FAM20A: variants seen among roughly 807,000 people sequenced by gnomAD.
FAM20A encodes the protein FAM20A golgi associated secretory pathway pseudokinase, also known as pseudokinase FAM20A.
Under a neutral mutation model 52.0 loss-of-function variants are expected in FAM20A, and 42 were observed. The ratio of observed to expected loss-of-function variants is 0.81; its 90% CI spans 0.63 to 1.04. The LOEUF is 1.04. FAM20A is among the 50% of genes least tolerant of loss of function. The pLI, the probability that FAM20A is intolerant of heterozygous loss-of-function variation, is 0.00. For missense variants in FAM20A, 742 were observed against 712.7 expected, an observed-to-expected ratio of 1.04 and a Z score of -0.47; for synonymous variants, 304 against 298.9, an observed-to-expected ratio of 1.02 and a Z score of -0.18.
In FAM20A at chr17:68,580,807, C is replaced by A. The variant is rs565562648; in HGVS notation, c.404+19456G>T. On this transcript the variant is annotated intron_variant, in intron 1 of 10. Coordinates refer to ENST00000592554, the MANE Select transcript of FAM20A (RefSeq NM_017565.4). ...TTTTAAGCACTTTGCTCTTTTAACT[C>A]ATTTCACCCCCACAGAAACTCCTCA... is the stretch of plus-strand genomic sequence containing the variant. 2.0e-5 allele frequency among the ~76,000 whole-genome samples: 3 copies of A among 152,280 alleles called. No individual in the cohort carries two copies. In the South Asian group the frequency reaches 6.2e-4, roughly 32 times the overall value.
chr17:68,585,097 A>G (rs1264338530), intron 1 of FAM20A, among the ~76,000 whole-genome samples: 1 of 152,118 alleles, frequency 6.6e-6, no homozygotes, highest in Non-Finnish European at 1.5e-5. Flanking sequence ...GGTATTGATT[A>G]CCCGCTGGCT....
chr17:68,573,520 TTTCCTTCC>T (rs756836763), intron 1 of FAM20A, among the ~76,000 whole-genome samples: 3 of 150,896 alleles, frequency 2.0e-5, no homozygotes, highest in African/African-American at 7.3e-5. Context: ...CTTTTCCTTC[TTTCCTTCC>T]TTCCTTCCTT....
Position 68,539,906 on chromosome 17 carries a change from A to C in FAM20A, c.1280T>G (p.Ile427Ser). 6.2e-7 allele frequency: 1 copy of C among 1,614,206 alleles called. No individual in the cohort carries two copies. The highest frequency in any genetic ancestry group is 8.5e-7 in the Non-Finnish European group (1 of 1,180,042). ...FTKFGDDGFL[I>S]HLDNARGFGR... The stretch of plus-strand genomic sequence containing the variant: ...TCACCCTCTGGCGTTGTCAAGGTGA[A>C]TAAGGAACCCATCATCCCCGAACTT... The change falls in exon 9 of 11, where the codon ATT becomes AGT. Residue 427 changes from isoleucine to serine, a missense_variant. Ile to Ser is a moderately radical substitution (Grantham distance 142). Transcript: ENST00000592554.
At chr17:68,554,943 T>C (rs970399977) in intron 2 of FAM20A, 116 bp from the exon 3 acceptor site, 3 of 1,089,712 alleles carry the variant, frequency 2.8e-6, no homozygotes, top group Non-Finnish European at 4.2e-6. Flanking sequence ...TGATGTAGCC[T>C]GGGGCCCTTG....
In FAM20A at chr17:68,600,434, G is replaced by C. The variant is rs753309855; in HGVS notation, c.233C>G (p.Thr78Ser). 3 of 1,611,482 alleles carry C rather than the reference G, an allele frequency of 1.9e-6. No homozygotes were observed. The highest frequency in any genetic ancestry group is 2.5e-6 in the Non-Finnish European group (3 of 1,179,088). ...VHNFSRTEPR[T>S]EPAGGSHSGS... ...GCTGTGGCTGCCGCCAGCCGGTTCA[G>C]TCCGGGGCTCGGTTCGGGAAAAGTT... Residue 78 changes from threonine to serine, a missense_variant, in exon 1 of 11, where the codon ACT becomes AGT. By Grantham distance (58) the Thr-to-Ser change is moderately conservative. Transcript: ENST00000592554. This position sits in a 1 kb window ranked among gnomAD's most constrained non-coding sequence, Gnocchi z 6.2.
chr17:68,566,158 A>G (rs998026411), intron 1 of FAM20A, among the ~76,000 whole-genome samples: 6 of 152,236 alleles, frequency 3.9e-5, no homozygotes, highest in African/African-American at 1.4e-4. Flanking sequence ...ACCAGATGTG[A>G]GCTTTCTTTC....
intron 1 of FAM20A, among the ~76,000 whole-genome samples, chr17:68,561,147 G>A (rs1215910145): frequency 6.6e-6 from 1 of 152,164 alleles, no homozygotes; most frequent in African/African-American, 2.4e-5. Context: ...TTATAAGGTT[G>A]AAATGACCAA....
At chr17:68,539,264 A>C in intron 10 of FAM20A, 73 bp downstream of exon 10, 1 of 1,509,098 alleles carries the variant, frequency 6.6e-7, no homozygotes, top group Non-Finnish European at 9.2e-7. Context: ...GAAGCCCTTC[A>C]GACCTTGGCT....
rs147371993 is a variant in FAM20A at position 68,542,795 on chromosome 17, C to T, written c.827G>A (p.Arg276Gln). 86 of 1,613,860 alleles carry T rather than the reference C, an allele frequency of 5.3e-5. No individual in the cohort carries two copies. In the African/African-American group the frequency reaches 7.3e-4, roughly 14 times the overall value. ...CCTCCCCACTGTTGGCGGCACCCGT[C>T]GGAAGTCCAGAATCCTGCAAGAGAG... Reference protein sequence around the residue: ...AFHLDRILDFRRVPPTVGRIV... With the variant: ...AFHLDRILDFQRVPPTVGRIV... Residue 276 changes from arginine (R) to glutamine (Q), a missense_variant, in exon 6 of 11, where the codon CGA (arginine) becomes CAA (glutamine). Transcript: ENST00000592554.
intron 1 of FAM20A, among the ~76,000 whole-genome samples, chr17:68,571,926 A>C (rs911055789): frequency 6.8e-6 from 1 of 147,302 alleles, no homozygotes; most frequent in African/African-American, 2.5e-5. Flanking sequence ...CTGAGATATC[A>C]AACTTATGTA....
At chr17:68,570,632 T>A (rs968269833) in intron 1 of FAM20A, among the ~76,000 whole-genome samples, 1 of 152,198 alleles carries the variant, frequency 6.6e-6, no homozygotes, top group African/African-American at 2.4e-5. Context: ...ATCTTAAATT[T>A]CCTGGGGCTT....
chr17:68,593,395 CAGAA>C (rs2088365485), intron 1 of FAM20A, among the ~76,000 whole-genome samples: 1 of 152,236 alleles, frequency 6.6e-6, no homozygotes, highest in African/African-American at 2.4e-5. Flanking sequence ...TGCTCTTCCT[CAGAA>C]AGCACAGGAA....
intron 1 of FAM20A, among the ~76,000 whole-genome samples, chr17:68,598,615 G>GC (rs2088524795): frequency 6.6e-6 from 1 of 151,932 alleles, no homozygotes; most frequent in Non-Finnish European, 1.5e-5. Flanking sequence ...GTTTTTGCGA[G>GC]TTTTTTTTGT....
chr17:68,540,738 G>T lies in FAM20A; in HGVS notation c.1219+111C>A, dbSNP rs925889842. 3.5e-5 allele frequency: 46 copies of T among 1,330,066 alleles called. No homozygotes were observed. The South Asian group carries it at 5.2e-4, about 15-fold the overall frequency. 82.4% of individuals were successfully genotyped at this position (1,330,066 alleles called of 1,614,324 possible). On this transcript the variant is annotated intron_variant, in intron 8 of 10. Transcript: ENST00000592554. ...CACTTCTGAGGCTGTGGGAGGTGCA[G>T]AGTTACTCAGTCCTCATGAACCAGG...
intron 1 of FAM20A, among the ~76,000 whole-genome samples, chr17:68,566,260 TCTAA>T (rs2087374293): frequency 6.6e-6 from 1 of 152,234 alleles, no homozygotes. Flanking sequence ...TCTCATTTCT[TCTAA>T]CTGAGGGTGG....
At chr17:68,555,530 C>A (rs1345335605) in intron 2 of FAM20A, 29 bp downstream of exon 2, 2 of 1,611,148 alleles carry the variant, frequency 1.2e-6, no homozygotes, top group Non-Finnish European at 8.5e-7. Context: ...GAAAGTCAGT[C>A]CCCCCTTGCT....
chr17:68,550,953 G>A, intron 4 of FAM20A: 10 of 724,308 alleles, frequency 1.4e-5, no homozygotes, highest in Non-Finnish European at 1.9e-5. Context: ...GGCTCTCAAT[G>A]GGCCTCCCCT....
chr17:68,545,619 TAAGAC>T (rs1319409662), intron 4 of FAM20A, among the ~76,000 whole-genome samples: 1 of 152,190 alleles, frequency 6.6e-6, no homozygotes. Context: ...CTTTTAAAAA[TAAGAC>T]AATAATGAAG....
At chr17:68,540,073 G>T (rs555357582) in intron 8 of FAM20A, 107 bp from the exon 9 acceptor site, 7 of 567,740 alleles carry the variant, frequency 1.2e-5, no homozygotes, top group East Asian at 8.2e-5. Context: ...TTGAGAGACA[G>T]GGGTGTGAAC....
Sources: allele counts gnomAD v4.1 joint callset (sites outside exome capture counted in the v4.1 genomes callset), GRCh38; gene constraint gnomAD v4.1.1; non-coding constraint Gnocchi (gnomAD v3.1); transcripts MANE v1.5; gene names NCBI Gene and HGNC (gene_info 2026-07-23, HGNC 2026-07-21).